Variants in WDR20 observed in about 807,000 individuals in gnomAD.
The protein encoded by WDR20 is WD repeat-containing protein 20.
Under a neutral mutation model 38.7 loss-of-function variants are expected in WDR20, and 3 were observed. That is an observed-to-expected ratio of 0.08 (90% CI 0.04 to 0.20). The LOEUF (loss-of-function observed/expected upper bound fraction) is 0.20, where lower values mean the gene tolerates loss of function less well. WDR20 is among the 10% of genes least tolerant of loss of function. WDR20 has a pLI of 1.00. For synonymous variants in WDR20, 298 were observed against 285.6 expected, an observed-to-expected ratio of 1.04 and a Z score of -0.44; for missense variants, 559 against 727.7, an observed-to-expected ratio of 0.77 and a Z score of 2.67.
intron 2 of WDR20, among the ~76,000 whole-genome samples, chr14:102,201,090 T>G (rs932253802): frequency 3.3e-5 from 5 of 152,254 alleles, no homozygotes; most frequent in Non-Finnish European, 7.3e-5. Flanking sequence ...GATCTACTCC[T>G]TAAAGCTTGA....
downstream of WDR20, chr14:102,214,012 G>C: frequency 1.0e-6 from 1 of 985,490 alleles, no homozygotes; most frequent in Non-Finnish European, 1.2e-6. Context: ...CGGGGGATCC[G>C]GTGGCCCTGC....
intron 1 of WDR20, among the ~76,000 whole-genome samples, chr14:102,166,792 T>C (rs2152804312): frequency 6.6e-6 from 1 of 152,314 alleles, no homozygotes; most frequent in East Asian, 1.9e-4. Context: ...TTCCTTTACC[T>C]CACTCCCTCC....
rs150429009 is a variant in WDR20 at position 102,221,292 on chromosome 14, G to A, written c.1693-1538G>A. On this transcript the variant is annotated intron_variant, in intron 3 of 3. Transcript: ENST00000335263. The surrounding 1 kb of genome is among the most constrained non-coding windows in gnomAD (Gnocchi z 4.8). ...GTAGATGACTTTTCTGTTGCCGGGGGGAAGGGAGGTGCCTCCTGGTTCTGG... is the reference window on the plus strand; with the variant it reads ...GTAGATGACTTTTCTGTTGCCGGGGAGAAGGGAGGTGCCTCCTGGTTCTGG... Among the ~76,000 whole-genome samples the A allele has an allele frequency of 4.6e-4, 70 of 152,362 alleles. No individual in the cohort carries two copies. Among genetic ancestry groups the A allele is most frequent in the Non-Finnish European group, 8.7e-4 (59 of 68,034 alleles).
chr14:102,205,825 C>T (rs1399234275), intron 2 of WDR20, among the ~76,000 whole-genome samples: 1 of 150,138 alleles, frequency 6.7e-6, no homozygotes, highest in Non-Finnish European at 1.5e-5. Context: ...TTTTGGTCTG[C>T]GGTTGCTTAA....
intron 1 of WDR20, among the ~76,000 whole-genome samples, chr14:102,191,998 T>A (rs1042359882): frequency 6.6e-6 from 1 of 152,186 alleles, no homozygotes; most frequent in Non-Finnish European, 1.5e-5. Context: ...AGATATAAAA[T>A]TTGTCCGTTG....
Position 102,140,113 on chromosome 14 carries a change from C to G in WDR20, c.190C>G (p.Arg64Gly). The change falls in exon 1 of 3, where the codon CGC (arginine) becomes GGC (glycine). Residue 64 changes from arginine (R) to glycine (G), a missense_variant. Coordinates refer to ENST00000342702, the MANE Select transcript of WDR20 (RefSeq NM_144574.4). ...NLNDQSGNGD[R>G]LCFNVGRELY... ...CAACGACCAGTCTGGCAACGGCGAC[C>G]GCCTCTGCTTCAATGTGGGCCGGGA... 1 of 1,614,104 alleles carries G rather than the reference C, an allele frequency of 6.2e-7. No individual in the cohort carries two copies. The highest frequency in any genetic ancestry group is 8.5e-7 in the Non-Finnish European group (1 of 1,180,034).
At chr14:102,190,827 C>T (rs2066180555) in intron 1 of WDR20, among the ~76,000 whole-genome samples, 1 of 151,898 alleles carries the variant, frequency 6.6e-6, no homozygotes, top group Non-Finnish European at 1.5e-5. Context: ...ATGGTAAAAC[C>T]CTGTCTCTAC....
chr14:102,166,406 A>G (rs921984755), intron 1 of WDR20, among the ~76,000 whole-genome samples: 2 of 152,174 alleles, frequency 1.3e-5, no homozygotes, highest in Non-Finnish European at 2.9e-5. Flanking sequence ...AAAAGGATGT[A>G]TATTCCTTAT....
intron 1 of WDR20, among the ~76,000 whole-genome samples, chr14:102,174,463 A>AG (rs1488085378): frequency 6.6e-6 from 1 of 152,200 alleles, no homozygotes; most frequent in Non-Finnish European, 1.5e-5. Flanking sequence ...TCTGTCACCC[A>AG]GGCTAGAGTG....
At chr14:102,197,644 A>T (rs1285523331) in intron 2 of WDR20, 5 of 592,760 alleles carry the variant, frequency 8.4e-6, no homozygotes, top group South Asian at 2.0e-5. Context: ...AGCTTGTCTT[A>T]TAAAAGCCTT....
At chr14:102,189,705 A>G (rs990889391) in intron 1 of WDR20, among the ~76,000 whole-genome samples, 4 of 152,328 alleles carry the variant, frequency 2.6e-5, no homozygotes, top group Admixed American at 2.0e-4. Context: ...TTGAAATCTC[A>G]GTGTGTAGAA....
At chr14:102,206,665 T>G (rs1249461409) in intron 2 of WDR20, among the ~76,000 whole-genome samples, 1 of 152,170 alleles carries the variant, frequency 6.6e-6, no homozygotes, top group Non-Finnish European at 1.5e-5. Flanking sequence ...CAGGCCTGAG[T>G]TAGCTGGTGT....
At chr14:102,142,774 C>CTTTTTTTTTTTTTT (rs71116885) in intron 1 of WDR20, among the ~76,000 whole-genome samples, 2 of 85,036 alleles carry the variant, frequency 2.4e-5, no homozygotes, top group African/African-American at 4.3e-5. Flanking sequence ...GCTGTTTTGA[C>CTTTTTTTTTTTTTT]TTTTTTTTTT....
At chr14:102,198,011 A>C (rs2059691157) in intron 2 of WDR20, 1 of 481,088 alleles carries the variant, frequency 2.1e-6, no homozygotes, top group African/African-American at 1.9e-5. Context: ...CCACCCCCGA[A>C]ACACTGGTGA....
At chr14:102,151,173 A>T (rs1377137609) in intron 1 of WDR20, among the ~76,000 whole-genome samples, 1 of 111,550 alleles carries the variant, frequency 9.0e-6, no homozygotes. Flanking sequence ...CCATTGGGGA[A>T]TTTTTTTTTT....
intron 1 of WDR20, among the ~76,000 whole-genome samples, chr14:102,178,130 G>A (rs1388094517): frequency 6.6e-6 from 1 of 152,146 alleles, no homozygotes; most frequent in African/African-American, 2.4e-5. Flanking sequence ...AGTGGCTCAT[G>A]CCTGTAATCC....
At chr14:102,183,299 C>A (rs2063802660) in intron 1 of WDR20, among the ~76,000 whole-genome samples, 1 of 152,200 alleles carries the variant, frequency 6.6e-6, no homozygotes, top group Non-Finnish European at 1.5e-5. Context: ...TCAGCTCACG[C>A]CTGGTTGGAT....
intron 1 of WDR20, among the ~76,000 whole-genome samples, chr14:102,150,060 T>A (rs1256194392): frequency 1.3e-5 from 2 of 152,200 alleles, no homozygotes; most frequent in Non-Finnish European, 2.9e-5. Flanking sequence ...CCAAATCAGT[T>A]TGTGTTACAG....
chr14:102,183,261 T>A (rs1443440774), intron 1 of WDR20, among the ~76,000 whole-genome samples: 1 of 152,234 alleles, frequency 6.6e-6, no homozygotes, highest in Non-Finnish European at 1.5e-5. Flanking sequence ...AGCTCTCTGT[T>A]ACCCAAATTG....
Sources: gnomAD v4.1 joint callset for allele counts (sites outside exome capture counted in the v4.1 genomes callset) on GRCh38, gnomAD v4.1.1 for gene constraint, Gnocchi (gnomAD v3.1) non-coding constraint, MANE v1.5 for transcripts, NCBI Gene and HGNC (gene_info 2026-07-23, HGNC 2026-07-21) for gene names.